Variants in ZNF254 observed in about 807,000 individuals in gnomAD.
ZNF254 encodes the protein CTD-2017D11.1.
A neutral mutation model predicts 12.4 loss-of-function variants in ZNF254; 10 were observed. That is an observed-to-expected ratio of 0.80 (90% confidence interval 0.50 to 1.36). The LOEUF is 1.36. Among genes scored for constraint, ZNF254 ranks in the 40% most tolerant of loss-of-function variants. ZNF254 has a pLI of 0.00. For synonymous variants in ZNF254, 305 were observed against 253.4 expected, an observed-to-expected ratio of 1.20 and a Z score of -1.93; for missense variants, 996 against 763.9, an observed-to-expected ratio of 1.30 and a Z score of -3.58.
intron 3 of ZNF254, among the ~76,000 whole-genome samples, chr19:24,108,336 G>A (rs935974080): frequency 6.6e-6 from 1 of 152,178 alleles, no homozygotes; most frequent in Non-Finnish European, 1.5e-5. Context: ...AAAATTCTCA[G>A]GGGAACCAAG....
intron 3 of ZNF254, among the ~76,000 whole-genome samples, chr19:24,108,786 G>T (rs1973487595): frequency 6.6e-6 from 1 of 152,128 alleles, no homozygotes; most frequent in Admixed American, 6.6e-5. Context: ...TTTAGATTCA[G>T]ACATTTAGGG....
upstream of ZNF254, among the ~76,000 whole-genome samples, chr19:24,084,378 A>G (rs559458337): frequency 6.6e-6 from 1 of 151,874 alleles, no homozygotes; most frequent in Non-Finnish European, 1.5e-5. Context: ...CATAAGAATT[A>G]TATAATGGAC....
chr19:24,087,108 A>G (rs1372512660), upstream of ZNF254: 4 of 583,002 alleles, frequency 6.9e-6, no homozygotes, highest in Non-Finnish European at 1.2e-5. Context: ...AACGTTATCC[A>G]ACTAGGGACG....
intron 1 of ZNF254, chr19:24,104,222 C>G (rs1278978586): frequency 1.3e-5 from 2 of 152,304 alleles, no homozygotes; most frequent in East Asian, 3.9e-4. Context: ...ATATTTTTCT[C>G]TCTGTGGAGC....
chr19:24,124,600 G>A (rs1974702434), intron 3 of ZNF254, among the ~76,000 whole-genome samples: 1 of 151,672 alleles, frequency 6.6e-6, no homozygotes, highest in Non-Finnish European at 1.5e-5. Flanking sequence ...TTATTTGGCA[G>A]GACAGATTTG....
chr19:24,127,763 C>A lies in ZNF254; in HGVS notation c.1763C>A (p.Thr588Asn). ...ECGKSFNRSSTFTKHKVIHTG... is the reference protein window; with the variant it reads ...ECGKSFNRSSNFTKHKVIHTG... ...GGCAAATCTTTTAACCGGTCTTCAA[C>A]TTTTACTAAACATAAGGTAATTCAT... The change falls in exon 4 of 4, where the codon ACT becomes AAT. Residue 588 changes from threonine to asparagine, a missense_variant. By Grantham distance (65) the Thr-to-Asn change is moderately conservative. Transcript: ENST00000357002. The A allele has an allele frequency of 6.2e-7, 1 of 1,612,016 alleles. No homozygotes were observed. The highest frequency in any genetic ancestry group is 1.7e-5 in the Admixed American group (1 of 59,734).
At chr19:24,038,469 C>G (rs1007030511) in intron 1 of ZNF254, among the ~76,000 whole-genome samples, 1 of 152,134 alleles carries the variant, frequency 6.6e-6, no homozygotes, top group African/African-American at 2.4e-5. Context: ...CTTATAATGG[C>G]CTTCACATTC....
intron 2 of ZNF254, among the ~76,000 whole-genome samples, chr19:24,059,638 G>GCACAT (rs55717703): frequency 1 from 151,989 of 152,168 alleles, 75,906 homozygotes; most frequent in Middle Eastern, 1. Flanking sequence ...ATGTATTTTG[G>GCACAT]CACTGGGGCC....
intron 2 of ZNF254, among the ~76,000 whole-genome samples, chr19:24,048,130 G>C (rs1445811822): frequency 3.3e-5 from 5 of 151,370 alleles, no homozygotes; most frequent in African/African-American, 1.2e-4. Flanking sequence ...CTGCAGGGTG[G>C]ACCTAGTGGC....
At chr19:24,048,441 G>C (rs1054998119) in intron 2 of ZNF254, among the ~76,000 whole-genome samples, 4 of 152,166 alleles carry the variant, frequency 2.6e-5, no homozygotes, top group Non-Finnish European at 4.4e-5. Flanking sequence ...CGTAGGACTT[G>C]GTCGCCAGCT....
chr19:24,048,711 T>G (rs1326149938), intron 2 of ZNF254, among the ~76,000 whole-genome samples: 1 of 151,704 alleles, frequency 6.6e-6, no homozygotes, highest in Non-Finnish European at 1.5e-5. Context: ...TTTTTTTCCC[T>G]CTCTCTCTCA....
chr19:24,075,383 G>A (rs999121180), intron 2 of ZNF254, among the ~76,000 whole-genome samples: 1 of 152,106 alleles, frequency 6.6e-6, no homozygotes, highest in African/African-American at 2.4e-5. Flanking sequence ...CTAAGTGTTG[G>A]CCAGTCTGAG....
intron 2 of ZNF254, among the ~76,000 whole-genome samples, chr19:24,073,992 A>G (rs1039724931): frequency 3.3e-5 from 5 of 152,152 alleles, no homozygotes; most frequent in African/African-American, 9.7e-5. Context: ...ACTAGACCCA[A>G]CACCTAGGTG....
rs577327062 is a variant in ZNF254, at chr19:24,073,511, A to C, written c.-94+27232A>C. On this transcript the variant is annotated intron_variant, in intron 2 of 4. Transcript: ENST00000613065. ...TACAGAGAGTTTTATAATGAGGCCC[A>C]GAACACAGGTGACATTGTGACACAT... Among the ~76,000 whole-genome samples the C allele has an allele frequency of 7.2e-5, 11 of 152,338 alleles. 1 individual carries two copies. The South Asian group carries it at 1.4e-3, about 20-fold the overall frequency.
Position 24,117,875 on chromosome 19 carries a change from C to T in ZNF254, c.254-8379C>T, listed in dbSNP as rs374847775. 2.5e-3 allele frequency among the ~76,000 whole-genome samples: 381 copies of T among 152,020 alleles called. 2 individuals are homozygous for T. The highest frequency in any genetic ancestry group is 4.1e-3 in the Non-Finnish European group (280 of 67,972). On this transcript the variant is annotated intron_variant, in intron 3 of 3. Coordinates refer to ENST00000357002, the MANE Select transcript of ZNF254 (RefSeq NM_203282.4). Reference sequence around the variant, plus strand: ...TTTTTTTTAAAACTGAATCATATTCCATTCTATCATACATGTCTTCAAGGT... The same window carrying T: ...TTTTTTTTAAAACTGAATCATATTCTATTCTATCATACATGTCTTCAAGGT...
chr19:24,106,707 T>A, intron 3 of ZNF254, 64 bp downstream of exon 3: 1 of 1,344,756 alleles, frequency 7.4e-7, no homozygotes, highest in African/African-American at 1.5e-5. Flanking sequence ...AGAAAGCCAC[T>A]CTTTAAAGTG....
intron 1 of ZNF254, among the ~76,000 whole-genome samples, chr19:24,037,361 C>T (rs1599561830): frequency 6.6e-6 from 1 of 152,212 alleles, no homozygotes; most frequent in East Asian, 1.9e-4. Context: ...ATACAGTCTT[C>T]ATCCTTGAAA....
At chr19:24,107,598 AT>A (rs1162697524) in intron 3 of ZNF254, among the ~76,000 whole-genome samples, 1 of 152,134 alleles carries the variant, frequency 6.6e-6, no homozygotes, top group East Asian at 1.9e-4. Flanking sequence ...CTATATACAT[AT>A]ATATATGATT....
Position 24,126,957 on chromosome 19 carries a change from GAA to G in ZNF254, c.959_960del (p.Lys320ThrfsTer5). The G allele has an allele frequency of 6.2e-7, 1 of 1,613,542 alleles. No homozygotes were observed. Among genetic ancestry groups the G allele is most frequent in the Non-Finnish European group, 8.5e-7 (1 of 1,179,766 alleles). On this transcript the variant is annotated frameshift_variant, in exon 4 of 4. Transcript: ENST00000357002. LOFTEE classifies it low-confidence loss of function (END_TRUNC). ...AGCATAAGAAAATTCATACTAGAAA[GAA>G]ACCCTACAAGTGTGAAGAATGTGGC... ...TEHKKIHTRK[K>X]PYKCEECGKA...
Sources: allele counts gnomAD v4.1 joint callset (sites outside exome capture counted in the v4.1 genomes callset), GRCh38; gene constraint gnomAD v4.1.1; transcripts MANE v1.5; gene names NCBI Gene and HGNC (gene_info 2026-07-23, HGNC 2026-07-21).